FGF9: variants seen among roughly 807,000 people sequenced by gnomAD.
The protein encoded by FGF9 is fibroblast growth factor 9.
A neutral mutation model predicts 19.9 loss-of-function variants in FGF9; 3 were observed. The observed-to-expected ratio is 0.15, with a 90% CI of 0.07 to 0.39. The LOEUF (loss-of-function observed/expected upper bound fraction) is 0.39. Ranked by LOEUF, FGF9 falls within the 10% of genes least tolerant of loss-of-function variation. The pLI is 1.00. For missense variants in FGF9, 175 were observed against 256.8 expected (o/e 0.68, Z 2.18); for synonymous variants, 107 against 106.9 (o/e 1.00, Z -0.01).
Position 21,701,875 on chromosome 13 carries a change from T to C in FGF9, c.*440T>C, listed in dbSNP as rs1374707017. ...TCAGCACAGCTGCCATACTTCGACT[T>C]ATCAGGATTCTGGCTGGTGGCCTGC... is the stretch of plus-strand genomic sequence containing the variant. On this transcript the variant is annotated 3_prime_UTR_variant, in exon 3 of 3. Transcript: ENST00000382353. 1.1e-5 allele frequency: 2 copies of C among 179,110 alleles called. No individual in the cohort carries two copies. Among genetic ancestry groups the C allele is most frequent in the East Asian group, 2.8e-4 (2 of 7,020 alleles). 11.1% of individuals were successfully genotyped at this position (179,110 alleles called of 1,614,324 possible). A position where few individuals can be genotyped will look rare whatever the true frequency, so the allele number is the denominator to read the frequency against.
chr13:21,677,315 TCTTC>T (rs1193099309), intron 1 of FGF9, among the ~76,000 whole-genome samples: 2 of 152,162 alleles, frequency 1.3e-5, no homozygotes, highest in Admixed American at 6.5e-5. Context: ...CCTCCTCCCC[TCTTC>T]CTTCCTTCTT....
chr13:21,700,563 A>C (rs1872516135), intron 2 of FGF9, among the ~76,000 whole-genome samples: 1 of 152,234 alleles, frequency 6.6e-6, no homozygotes, highest in Non-Finnish European at 1.5e-5. Context: ...AAAAGGGCAG[A>C]ACATATCTGA....
At chr13:21,686,144 C>T (rs1488503181) in intron 2 of FGF9, among the ~76,000 whole-genome samples, 1 of 152,196 alleles carries the variant, frequency 6.6e-6, no homozygotes, top group African/African-American at 2.4e-5. Flanking sequence ...ATCCTCCTGC[C>T]TCAGCCTCCC....
In FGF9 at chr13:21,691,653, T is replaced by C. The variant is rs963556080; in HGVS notation, c.382-9537T>C. Reference sequence around the variant, plus strand: ...GTCCTGGCCCGAGAGATGCCCTCCATCCTTACAAAGTGGAGTGGGAACCAC... The same window carrying C: ...GTCCTGGCCCGAGAGATGCCCTCCACCCTTACAAAGTGGAGTGGGAACCAC... On this transcript the variant is annotated intron_variant, in intron 2 of 2. Coordinates refer to ENST00000382353, the MANE Select transcript of FGF9 (RefSeq NM_002010.3). The surrounding 1 kb of genome is among the most constrained non-coding windows in gnomAD (Gnocchi z 4.2). 3.9e-5 allele frequency among the ~76,000 whole-genome samples: 6 copies of C among 152,216 alleles called. No homozygotes were observed. Among genetic ancestry groups the C allele is most frequent in the Non-Finnish European group, 8.8e-5 (6 of 68,036 alleles).
At chr13:21,699,886 C>T (rs1292440115) in intron 2 of FGF9, among the ~76,000 whole-genome samples, 2 of 152,072 alleles carry the variant, frequency 1.3e-5, no homozygotes, top group African/African-American at 4.8e-5. Context: ...CTAAAGATAT[C>T]GATTTTAAAA....
chr13:21,687,115 G>T (rs1358241615), intron 2 of FGF9, among the ~76,000 whole-genome samples: 2 of 152,138 alleles, frequency 1.3e-5, no homozygotes, highest in African/African-American at 4.8e-5. Flanking sequence ...AGGTATGATG[G>T]GTTTCAACTC....
At chr13:21,683,581 G>C (rs1405298756) in intron 2 of FGF9, among the ~76,000 whole-genome samples, 1 of 152,196 alleles carries the variant, frequency 6.6e-6, no homozygotes, top group Admixed American at 6.5e-5. Flanking sequence ...CGACAGTCCA[G>C]TCATGGAGTC....
rs1245671881 is a variant in FGF9, at chr13:21,681,110, C to A, written c.346C>A (p.Leu116Ile). 1 of 1,613,908 alleles carries A rather than the reference C, an allele frequency of 6.2e-7. No homozygotes were observed. Among genetic ancestry groups the A allele is most frequent in the African/African-American group, 1.3e-5 (1 of 75,010 alleles). The change falls in exon 2 of 3, where the codon CTC becomes ATC. Residue 116 changes from leucine (L) to isoleucine (I), a missense_variant. Around this residue, in one of 3 missense-constraint regions of FGF9, gnomAD observed 101 missense variants for 160.7 expected, o/e 0.63. Transcript: ENST00000382353. ...SIRGVDSGLYLGMNEKGELYG... is the reference protein window; with the variant it reads ...SIRGVDSGLYIGMNEKGELYG... ...TCGAGGCGTGGACAGTGGACTCTAC[C>A]TCGGGATGAATGAGAAGGGGGAGCT...
At chr13:21,682,984 A>G (rs1872078518) in intron 2 of FGF9, among the ~76,000 whole-genome samples, 1 of 152,184 alleles carries the variant, frequency 6.6e-6, no homozygotes, top group Non-Finnish European at 1.5e-5. Context: ...TATAGTTTAT[A>G]TATGTTATTT....
In FGF9 at chr13:21,672,994, G is replaced by T. The variant is rs991904277; in HGVS notation, c.277+805G>T. Among the ~76,000 whole-genome samples, 7 of 152,196 alleles carry T rather than the reference G, an allele frequency of 4.6e-5. No homozygotes were observed. The highest frequency in any genetic ancestry group is 1.0e-4 in the Non-Finnish European group (7 of 68,034). On this transcript the variant is annotated intron_variant, in intron 1 of 2. Coordinates refer to ENST00000382353, the MANE Select transcript of FGF9 (RefSeq NM_002010.3). The surrounding 1 kb of genome is among the most constrained non-coding windows in gnomAD (Gnocchi z 4.2). Reference sequence around the variant, plus strand: ...CGAGGATTTCATTTTTCAGCGGAGGGTATTTGTGACTCAGCACTGAGGGCT... The same window carrying T: ...CGAGGATTTCATTTTTCAGCGGAGGTTATTTGTGACTCAGCACTGAGGGCT...
intron 1 of FGF9, among the ~76,000 whole-genome samples, chr13:21,678,264 T>C (rs1342502761): frequency 6.6e-6 from 1 of 152,298 alleles, no homozygotes. Context: ...AGTAATACTT[T>C]CAGAACTCAG....
At position 21,691,860 on chromosome 13, in the gene FGF9, G is replaced by A. The variant is rs1272258310; in HGVS notation, c.382-9330G>A. ...GCATCCCTGACACCCCCGTTGCAGA[G>A]GGCTTCCCCCGAGGACTAAAAGGTT... is the stretch of plus-strand genomic sequence containing the variant. On this transcript the variant is annotated intron_variant, in intron 2 of 2. Coordinates refer to ENST00000382353, the MANE Select transcript of FGF9 (RefSeq NM_002010.3). This position sits in a 1 kb window ranked among gnomAD's most constrained non-coding sequence, Gnocchi z 4.2. Among the ~76,000 whole-genome samples the A allele has an allele frequency of 6.6e-6, 1 of 152,222 alleles. No homozygotes were observed. Among genetic ancestry groups the A allele is most frequent in the Non-Finnish European group, 1.5e-5 (1 of 68,038 alleles).
intron 1 of FGF9, among the ~76,000 whole-genome samples, chr13:21,679,458 G>T (rs1035412523): frequency 3.7e-4 from 56 of 152,102 alleles, no homozygotes; most frequent in Admixed American, 2.4e-3. Context: ...AGTCACATGA[G>T]ACTGACTATA....
At chr13:21,699,363 TC>T (rs1368204685) in intron 2 of FGF9, among the ~76,000 whole-genome samples, 2 of 152,028 alleles carry the variant, frequency 1.3e-5, no homozygotes, top group African/African-American at 2.4e-5. Flanking sequence ...CCTTTCTGCT[TC>T]CCCCCATTTC....
rs1053306738 is a variant in FGF9 at position 21,672,698 on chromosome 13, A to C, written c.277+509A>C. Reference sequence around the variant, plus strand: ...TTATTCTCCCCTGTGAGGGTCTGAAAGCCCCATAGGCGAAGGTTGCTGACG... The same window carrying C: ...TTATTCTCCCCTGTGAGGGTCTGAACGCCCCATAGGCGAAGGTTGCTGACG... On this transcript the variant is annotated intron_variant, in intron 1 of 2. Transcript: ENST00000382353. This position sits in a 1 kb window ranked among gnomAD's most constrained non-coding sequence, Gnocchi z 4.2. 1.3e-5 allele frequency among the ~76,000 whole-genome samples: 2 copies of C among 152,166 alleles called. No individual in the cohort carries two copies. Among genetic ancestry groups the C allele is most frequent in the Non-Finnish European group, 1.5e-5 (1 of 68,030 alleles).
chr13:21,687,703 TCA>T (rs1239354337), intron 2 of FGF9, among the ~76,000 whole-genome samples: 7 of 152,220 alleles, frequency 4.6e-5, no homozygotes, highest in African/African-American at 1.7e-4. Flanking sequence ...CATCTGATCT[TCA>T]CTTATCTCAG....
In FGF9 at chr13:21,672,308, C is replaced by G; in HGVS notation, c.277+119C>G. On this transcript the variant is annotated intron_variant, in intron 1 of 2. Coordinates refer to ENST00000382353, the MANE Select transcript of FGF9 (RefSeq NM_002010.3). The surrounding 1 kb of genome is among the most constrained non-coding windows in gnomAD (Gnocchi z 4.2). ...GGTTCTCCCCTCCTCCCCTCTTTCT[C>G]TGTATCTCTGTCTCTCTCTCTCTCT... 3.6e-6 allele frequency: 4 copies of G among 1,099,460 alleles called. No homozygotes were observed. The Admixed American group carries it at 7.1e-5, about 20-fold the overall frequency. The allele number at this position is 1,099,460 out of a possible 1,614,324, so 68.1% of individuals were successfully genotyped here.
intron 2 of FGF9, among the ~76,000 whole-genome samples, chr13:21,698,583 G>A (rs190097316): frequency 6.6e-6 from 1 of 152,246 alleles, no homozygotes; most frequent in East Asian, 1.9e-4. Context: ...TCACTCCAAC[G>A]TCAGGCTTTC....
intron 2 of FGF9, among the ~76,000 whole-genome samples, chr13:21,700,357 TGAGA>T (rs1292017658): frequency 1.3e-5 from 2 of 152,136 alleles, no homozygotes; most frequent in Non-Finnish European, 2.9e-5. Context: ...AAATGTAGAC[TGAGA>T]GTTAGGATTC....
Sources: gnomAD v4.1 joint callset for allele counts (sites outside exome capture counted in the v4.1 genomes callset) on GRCh38, gnomAD v4.1.1 for gene constraint, gnomAD v4.1.1 regional missense constraint, Gnocchi (gnomAD v3.1) non-coding constraint, MANE v1.5 for transcripts, NCBI Gene and HGNC (gene_info 2026-07-23, HGNC 2026-07-21) for gene names.